SYNRG: variants seen among roughly 807,000 people sequenced by gnomAD.
SYNRG encodes AP1 gamma subunit binding protein 1.
In SYNRG, 37 loss-of-function variants were observed where a neutral mutation model predicts 130.9. That is an observed-to-expected ratio of 0.28 (90% CI 0.22 to 0.37). The LOEUF (loss-of-function observed/expected upper bound fraction) is 0.37, where lower values mean the gene tolerates loss of function less well. Ranked by LOEUF, SYNRG falls within the 10% of genes least tolerant of loss-of-function variation. SYNRG has a pLI of 1.00. For missense variants in SYNRG, 1,338 were observed against 1,588.9 expected, an observed-to-expected ratio of 0.84 and a Z score of 2.68; for synonymous variants, 539 against 568.1, an observed-to-expected ratio of 0.95 and a Z score of 0.73.
intron 14 of SYNRG, among the ~76,000 whole-genome samples, chr17:37,545,405 G>A (rs571319703): frequency 3.9e-5 from 6 of 152,052 alleles, no homozygotes; most frequent in Admixed American, 3.3e-4. Context: ...AAAAAAAGGA[G>A]ACAATTTTCC....
At chr17:37,546,262 T>C (rs1208778152) in intron 14 of SYNRG, among the ~76,000 whole-genome samples, 1 of 152,094 alleles carries the variant, frequency 6.6e-6, no homozygotes, top group Non-Finnish European at 1.5e-5. Flanking sequence ...TTCTGAAAAT[T>C]GCAAGAGAAA....
In SYNRG at chr17:37,542,574, G is replaced by T; in HGVS notation, c.2609-9C>A. 1 of 1,598,262 alleles carries T rather than the reference G, an allele frequency of 6.3e-7. No individual in the cohort carries two copies. ...TTTTAAGTCCTCTATATCTGAAAGGGAAATAAGACCCCACAATTAGAGGCA... is the reference window on the plus strand; with the variant it reads ...TTTTAAGTCCTCTATATCTGAAAGGTAAATAAGACCCCACAATTAGAGGCA... On this transcript the variant is annotated splice_polypyrimidine_tract_variant and intron_variant, in intron 14 of 21. Coordinates refer to ENST00000612223, the MANE Select transcript of SYNRG (RefSeq NM_007247.6).
At chr17:37,543,697 G>C (rs1436138967) in intron 14 of SYNRG, among the ~76,000 whole-genome samples, 12 of 152,212 alleles carry the variant, frequency 7.9e-5, no homozygotes, top group Admixed American at 7.2e-4. Context: ...CAACTTGACA[G>C]TTAATTGCTG....
rs1007269934 is a variant in SYNRG at position 37,541,013 on chromosome 17, T to C, written c.3203-470A>G. On this transcript the variant is annotated intron_variant, in intron 15 of 21. Coordinates refer to ENST00000612223, the MANE Select transcript of SYNRG (RefSeq NM_007247.6). The stretch of plus-strand genomic sequence containing the variant: ...CATTCATTCTTTCTGGGAAGCTACA[T>C]GTTAAATCTTTTCTACTGTTCTCTC... The C allele has an allele frequency of 1.3e-5, 13 of 986,772 alleles. No individual in the cohort carries two copies. The African/African-American group carries it at 1.6e-4, about 12-fold the overall frequency. The allele number at this position is 986,772 out of a possible 1,614,324, so 61.1% of individuals were successfully genotyped here.
intron 19 of SYNRG, among the ~76,000 whole-genome samples, chr17:37,523,280 G>C (rs1358169876): frequency 6.6e-6 from 1 of 152,066 alleles, no homozygotes; most frequent in Non-Finnish European, 1.5e-5. Flanking sequence ...TTTTGCCTCA[G>C]CCTCCTGAGT....
Position 37,571,726 on chromosome 17 carries a change from G to T in SYNRG, c.1098+65C>A, listed in dbSNP as rs2060447734. 26 of 1,448,958 alleles carry T rather than the reference G, an allele frequency of 1.8e-5. 1 individual carries two copies. The South Asian group carries it at 3.4e-4, about 19-fold the overall frequency. 89.8% of individuals were successfully genotyped at this position (1,448,958 alleles called of 1,614,324 possible). On this transcript the variant is annotated intron_variant, in intron 9 of 21. Coordinates refer to ENST00000612223, the MANE Select transcript of SYNRG (RefSeq NM_007247.6). ...AGGAGTTACACAATGTAGTAAAAAA[G>T]ATTTCATATCCTTGCAATTTATATT...
chr17:37,609,000 CAA>C (rs1274475069), intron 1 of SYNRG, among the ~76,000 whole-genome samples: 1 of 146,638 alleles, frequency 6.8e-6, no homozygotes, highest in Non-Finnish European at 1.5e-5. Flanking sequence ...CCCCCCACCC[CAA>C]GAGGACCCTC....
At chr17:37,549,758 T>C (rs1238880428) in intron 14 of SYNRG, among the ~76,000 whole-genome samples, 1 of 151,534 alleles carries the variant, frequency 6.6e-6, no homozygotes, top group African/African-American at 2.4e-5. Context: ...GCCCGGCTAA[T>C]TTTTGTATTT....
rs372394542 is a variant in SYNRG at position 37,586,568 on chromosome 17, G to C, written c.241-19C>G. On this transcript the variant is annotated intron_variant, in intron 3 of 21. Coordinates refer to ENST00000612223, the MANE Select transcript of SYNRG (RefSeq NM_007247.6). ...TTCCTGCCTAGAAGAAACAGACAAAGGCTTAAAAAACACAATTTATCCCTT... is the reference window on the plus strand; with the variant it reads ...TTCCTGCCTAGAAGAAACAGACAAACGCTTAAAAAACACAATTTATCCCTT... 2.4e-5 allele frequency: 38 copies of C among 1,612,590 alleles called. No homozygotes were observed. The African/African-American group carries it at 4.1e-4, about 18-fold the overall frequency.
At chr17:37,534,770 G>A (rs2057028247) in intron 19 of SYNRG, among the ~76,000 whole-genome samples, 1 of 152,102 alleles carries the variant, frequency 6.6e-6, no homozygotes, top group Non-Finnish European at 1.5e-5. Context: ...CATGACAATG[G>A]TGAGAGGATG....
rs188192681 is a variant in SYNRG at position 37,595,603 on chromosome 17, A to G, written c.240+620T>C. Among the ~76,000 whole-genome samples, 611 of 152,298 alleles carry G rather than the reference A, an allele frequency of 4.0e-3. 18 individuals carry two copies. The highest frequency in any genetic ancestry group is 0.037 in the Admixed American group (570 of 15,296). On this transcript the variant is annotated intron_variant, in intron 3 of 21. Coordinates refer to ENST00000612223, the MANE Select transcript of SYNRG (RefSeq NM_007247.6). ...AACCCTCAGCATCACACAACATATTAGTGTAACAAACCTACAAACGTGCCC... is the reference window on the plus strand; with the variant it reads ...AACCCTCAGCATCACACAACATATTGGTGTAACAAACCTACAAACGTGCCC...
intron 11 of SYNRG, 118 bp downstream of exon 11, chr17:37,568,673 A>C: frequency 9.1e-7 from 1 of 1,094,386 alleles, no homozygotes; most frequent in South Asian, 1.7e-5. Context: ...GAATAAACAC[A>C]GAAAGTAGTA....
chr17:37,549,746 G>A (rs143408583), intron 14 of SYNRG, among the ~76,000 whole-genome samples: 210 of 152,006 alleles, frequency 1.4e-3, no homozygotes, highest in African/African-American at 4.9e-3. Flanking sequence ...GCCCACCACC[G>A]TGCCCGGCTA....
At chr17:37,586,660 G>C (rs550312320) in intron 3 of SYNRG, 111 bp from the exon 4 acceptor site, 1 of 1,219,976 alleles carries the variant, frequency 8.2e-7, no homozygotes, top group Non-Finnish European at 1.1e-6. Context: ...GTAAAAAATA[G>C]AAATATATTG....
At chr17:37,546,647 G>A (rs2052456497) in intron 14 of SYNRG, among the ~76,000 whole-genome samples, 1 of 152,196 alleles carries the variant, frequency 6.6e-6, no homozygotes, top group Non-Finnish European at 1.5e-5. Flanking sequence ...ACAGGACACA[G>A]ACGGCCAAGC....
intron 2 of SYNRG, among the ~76,000 whole-genome samples, chr17:37,599,903 AAC>A (rs2063117885): frequency 6.6e-6 from 1 of 152,212 alleles, no homozygotes; most frequent in African/African-American, 2.4e-5. Context: ...TTATTCATTC[AAC>A]AAACATCTAC....
intron 13 of SYNRG, among the ~76,000 whole-genome samples, chr17:37,559,885 G>A (rs2059398819): frequency 6.6e-6 from 1 of 152,050 alleles, no homozygotes; most frequent in South Asian, 2.1e-4. Flanking sequence ...TATCTTCAGA[G>A]GAAACTACAC....
At chr17:37,587,284 TATAAGCGTGTGCCCTCGATG>T (rs1203235139) in intron 3 of SYNRG, among the ~76,000 whole-genome samples, 3 of 152,184 alleles carry the variant, frequency 2.0e-5, no homozygotes, top group Non-Finnish European at 4.4e-5. Flanking sequence ...TAGCTAGGGC[TATAAGCGTGTGCCCTCGATG>T]GCACCTGGCT....
chr17:37,520,177 A>C lies in SYNRG; in HGVS notation c.3813+2T>G, dbSNP rs770935678. The C allele has an allele frequency of 6.2e-7, 1 of 1,614,178 alleles. No individual in the cohort carries two copies. The highest frequency in any genetic ancestry group is 1.7e-5 in the Admixed American group (1 of 60,020). On this transcript the variant is annotated splice_donor_variant, in intron 21 of 21. Coordinates refer to ENST00000612223, the MANE Select transcript of SYNRG (RefSeq NM_007247.6). LOFTEE classifies it high-confidence loss of function. Reference sequence around the variant, plus strand: ...CTAAGATAAGGTGTAACTGGTTCATACTTTTTTAGGATGTTCTTCTGCAGG... The same window carrying C: ...CTAAGATAAGGTGTAACTGGTTCATCCTTTTTTAGGATGTTCTTCTGCAGG...
Sources: gnomAD v4.1 joint callset for allele counts (sites outside exome capture counted in the v4.1 genomes callset) on GRCh38, gnomAD v4.1.1 for gene constraint, MANE v1.5 for transcripts, NCBI Gene and HGNC (gene_info 2026-07-23, HGNC 2026-07-21) for gene names.